The following GAPVD1 variants were observed in gnomAD, a reference collection of about 807,000 sequenced individuals.
GAPVD1 encodes GTPase activating protein and VPS9 domains 1.
GAPVD1 carries 35 observed loss-of-function variants against 155.5 expected under a neutral mutation model. The ratio of observed to expected loss-of-function variants is 0.23; its 90% CI spans 0.17 to 0.30. The LOEUF (loss-of-function observed/expected upper bound fraction) is 0.30, where lower values mean the gene tolerates loss of function less well. GAPVD1 is among the 10% of genes least tolerant of loss of function. The pLI, the probability that GAPVD1 is intolerant of heterozygous loss-of-function variation, is 1.00. For missense variants in GAPVD1, 1,429 were observed against 1,775.7 expected (o/e 0.80, Z 3.51); for synonymous variants, 636 against 619.7 (o/e 1.03, Z -0.39).
chr9:125,321,286 T>G (rs1045193956), intron 9 of GAPVD1, 147 bp from the exon 10 acceptor site: 6 of 571,386 alleles, frequency 1.1e-5, no homozygotes, highest in Non-Finnish European at 1.9e-5. Context: ...TCCACAGGTA[T>G]TTAAAAGCTT....
In GAPVD1 at chr9:125,350,910, G is replaced by C. The variant is rs771263362; in HGVS notation, c.3569+38G>C. 2.7e-6 allele frequency: 4 copies of C among 1,490,468 alleles called. No individual in the cohort carries two copies. The Admixed American group carries it at 7.9e-5, about 30-fold the overall frequency. 92.3% of individuals were successfully genotyped at this position (1,490,468 alleles called of 1,614,324 possible). ...ACCTGTTCAGCTTTTAAACCTAGTT[G>C]TTAGCTGCAAGTGTTTTCTTTTTTA... On this transcript the variant is annotated intron_variant, in intron 23 of 27. Coordinates refer to ENST00000297933, the MANE Select transcript of GAPVD1 (RefSeq NM_001282680.3).
chr9:125,320,151 TGTAA>T (rs1844092829), intron 9 of GAPVD1, among the ~76,000 whole-genome samples: 1 of 152,218 alleles, frequency 6.6e-6, no homozygotes, highest in Non-Finnish European at 1.5e-5. Context: ...TTTTTTTCTT[TGTAA>T]GTGAGGGTAC....
At chr9:125,304,694 ATTAAC>A (rs1256338572) in intron 5 of GAPVD1, among the ~76,000 whole-genome samples, 7 of 152,260 alleles carry the variant, frequency 4.6e-5, no homozygotes, top group Non-Finnish European at 8.8e-5. Flanking sequence ...TGTTCTTAAT[ATTAAC>A]TTAAGGCAAT....
intron 9 of GAPVD1, among the ~76,000 whole-genome samples, chr9:125,319,992 T>A: frequency 6.6e-6 from 1 of 152,232 alleles, no homozygotes. Context: ...CAAGAATTTT[T>A]TTTTTCTTTC....
chr9:125,304,341 G>A (rs574938838), intron 5 of GAPVD1, among the ~76,000 whole-genome samples: 3 of 152,258 alleles, frequency 2.0e-5, no homozygotes, highest in South Asian at 2.1e-4. Context: ...GATCATAGGC[G>A]TAAGCTACTG....
chr9:125,282,392 G>A (rs1017716263), intron 2 of GAPVD1, among the ~76,000 whole-genome samples: 6 of 152,114 alleles, frequency 3.9e-5, no homozygotes, highest in African/African-American at 7.2e-5. Context: ...CTGCCTTGGC[G>A]TCCCAAAGTG....
intron 15 of GAPVD1, among the ~76,000 whole-genome samples, chr9:125,336,322 G>C (rs937398463): frequency 4.1e-5 from 6 of 146,902 alleles, no homozygotes; most frequent in African/African-American, 1.5e-4. Context: ...ACAAAAAATA[G>C]CTTCAGACTA....
At chr9:125,293,911 TG>T (rs1839400184) in intron 2 of GAPVD1, among the ~76,000 whole-genome samples, 2 of 122,820 alleles carry the variant, frequency 1.6e-5, no homozygotes, top group Admixed American at 1.1e-4. Context: ...TATAAGTTTT[TG>T]TTTCTGTTTT....
chr9:125,346,313 T>G (rs1207623025), intron 19 of GAPVD1: 1 of 197,672 alleles, frequency 5.1e-6, no homozygotes, highest in Non-Finnish European at 1.0e-5. Context: ...AGATAGAATA[T>G]GAATATTGTT....
At chr9:125,326,391 A>C in intron 11 of GAPVD1, 25 bp from the exon 12 acceptor site, 1 of 1,543,360 alleles carries the variant, frequency 6.5e-7, no homozygotes, top group Non-Finnish European at 8.9e-7. Context: ...ACTATTTTAA[A>C]AGTGCTTAAT....
chr9:125,325,088 G>A (rs1038376462), intron 11 of GAPVD1, among the ~76,000 whole-genome samples: 2 of 152,022 alleles, frequency 1.3e-5, no homozygotes, highest in Admixed American at 6.6e-5. Flanking sequence ...AGCCAGGTGA[G>A]GTGGTGAGCA....
At chr9:125,326,858 G>A (rs1024817590) in intron 12 of GAPVD1, among the ~76,000 whole-genome samples, 4 of 151,500 alleles carry the variant, frequency 2.6e-5, no homozygotes, top group African/African-American at 9.7e-5. Context: ...AAAAACCAGT[G>A]TTTTGAATTA....
intron 8 of GAPVD1, chr9:125,308,507 C>T (rs556801680): frequency 6.6e-6 from 1 of 152,012 alleles, no homozygotes; most frequent in South Asian, 2.1e-4. Context: ...GCTAAGATAT[C>T]TTAATATTAC....
intron 1 of GAPVD1, among the ~76,000 whole-genome samples, 196 bp from the exon 2 acceptor site, chr9:125,268,739 GC>G (rs1466589017): frequency 1.3e-5 from 2 of 151,946 alleles, no homozygotes; most frequent in Non-Finnish European, 2.9e-5. Flanking sequence ...TTGTAGAGGT[GC>G]CCACACTGGT....
chr9:125,315,341 A>G (rs991512398), intron 9 of GAPVD1, among the ~76,000 whole-genome samples: 1 of 152,222 alleles, frequency 6.6e-6, no homozygotes, highest in Non-Finnish European at 1.5e-5. Context: ...AAAACTTTTA[A>G]CAACAAAGGA....
chr9:125,301,295 C>T (rs1279423826), intron 4 of GAPVD1, among the ~76,000 whole-genome samples: 2 of 152,104 alleles, frequency 1.3e-5, no homozygotes, highest in East Asian at 3.9e-4. Flanking sequence ...GTCTTGAACT[C>T]CTGGGCTCAA....
chr9:125,346,677 G>A, intron 19 of GAPVD1, 142 bp from the exon 20 acceptor site: 1 of 736,906 alleles, frequency 1.4e-6, no homozygotes, highest in Non-Finnish European at 2.5e-6. Context: ...CAGCTGCATG[G>A]TGCCTCTTAA....
At chr9:125,347,864 G>A (rs1330071093) in intron 20 of GAPVD1, among the ~76,000 whole-genome samples, 1 of 152,106 alleles carries the variant, frequency 6.6e-6, no homozygotes, top group South Asian at 2.1e-4. Flanking sequence ...AGCCTCAGAG[G>A]GAGAGTGGGC....
At chr9:125,293,172 C>G (rs1470712877) in intron 2 of GAPVD1, among the ~76,000 whole-genome samples, 1 of 152,042 alleles carries the variant, frequency 6.6e-6, no homozygotes, top group African/African-American at 2.4e-5. Context: ...AGTTTGGAGT[C>G]TAGGAACCTG....
Sources: gnomAD v4.1 joint callset for allele counts (sites outside exome capture counted in the v4.1 genomes callset) on GRCh38, gnomAD v4.1.1 for gene constraint, MANE v1.5 for transcripts, NCBI Gene and HGNC (gene_info 2026-07-23, HGNC 2026-07-21) for gene names.